Variants in PPP2R2C observed in about 807,000 individuals in gnomAD.
PPP2R2C encodes protein phosphatase 2 regulatory subunit Bgamma.
In PPP2R2C, 10 loss-of-function variants were observed where a neutral mutation model predicts 45.3. That is an observed-to-expected ratio of 0.22 (90% CI 0.14 to 0.37). PPP2R2C has a LOEUF of 0.37. Among genes scored for constraint, PPP2R2C ranks in the 10% least tolerant of loss-of-function variants. The pLI is 1.00. For synonymous variants in PPP2R2C, 257 were observed against 245.4 expected, an observed-to-expected ratio of 1.05 and a Z score of -0.44; for missense variants, 308 against 619.7, an observed-to-expected ratio of 0.50 and a Z score of 5.34.
chr4:6,381,797 G>C, intron 1 of PPP2R2C: 1 of 1,613,842 alleles, frequency 6.2e-7, no homozygotes, highest in Non-Finnish European at 8.5e-7. Context: ...CAATGCCCAG[G>C]GCTGGCCTTC....
At chr4:6,382,665 T>A (rs1452617953) in intron 1 of PPP2R2C, 432 of 177,930 alleles carry the variant, frequency 2.4e-3, no homozygotes, top group Non-Finnish European at 3.6e-3. Context: ...TCTCTCTCTC[T>A]CTCTCTCTCT....
intron 1 of PPP2R2C, among the ~76,000 whole-genome samples, chr4:6,463,906 T>G (rs1165228538): frequency 1.3e-5 from 2 of 152,178 alleles, no homozygotes; most frequent in Non-Finnish European, 2.9e-5. Context: ...CCAAGCCAGG[T>G]AGTCTAGTTC....
chr4:6,466,053 T>G (rs1479136152), intron 1 of PPP2R2C, among the ~76,000 whole-genome samples: 2 of 152,226 alleles, frequency 1.3e-5, no homozygotes, highest in African/African-American at 2.4e-5. Flanking sequence ...TCATGTTTCT[T>G]AGAAGTCACT....
At chr4:6,408,588 C>T (rs553959786) in intron 1 of PPP2R2C, among the ~76,000 whole-genome samples, 44 of 152,230 alleles carry the variant, frequency 2.9e-4, no homozygotes, top group African/African-American at 9.1e-4. Context: ...CCAGAGCAGG[C>T]GAGTGATTTC....
At chr4:6,408,406 T>C (rs1044318963) in intron 1 of PPP2R2C, among the ~76,000 whole-genome samples, 8 of 152,068 alleles carry the variant, frequency 5.3e-5, no homozygotes, top group Non-Finnish European at 7.3e-5. Flanking sequence ...ACTGATTGGA[T>C]CAAGAGGTAG....
intron 1 of PPP2R2C, among the ~76,000 whole-genome samples, chr4:6,428,328 C>T (rs1719442987): frequency 6.6e-6 from 1 of 152,206 alleles, no homozygotes; most frequent in Non-Finnish European, 1.5e-5. Flanking sequence ...AGAGCAACTC[C>T]ATAAGACCTG....
At chr4:6,343,251 A>G (rs1733589538) in intron 6 of PPP2R2C, among the ~76,000 whole-genome samples, 2 of 152,234 alleles carry the variant, frequency 1.3e-5, no homozygotes, top group South Asian at 2.1e-4. Flanking sequence ...ACTCGCCCCA[A>G]TGTGCGGCAA....
In PPP2R2C at chr4:6,438,930, G is replaced by A. The variant is rs141432073; in HGVS notation, c.70+33230C>T. Among the ~76,000 whole-genome samples, 132 of 152,340 alleles carry A rather than the reference G, an allele frequency of 8.7e-4. 1 individual carries two copies. Among genetic ancestry groups the A allele is most frequent in the Middle Eastern group, 3.4e-3 (1 of 294 alleles). On this transcript the variant is annotated intron_variant, in intron 1 of 8. Transcript: ENST00000382599. The stretch of plus-strand genomic sequence containing the variant: ...GTGCGGGCACAGAGCAGGAGACAGA[G>A]CATGATCAGATTGACCCAAGGACCT...
intron 1 of PPP2R2C, among the ~76,000 whole-genome samples, chr4:6,414,771 G>A (rs544956820): frequency 5.3e-4 from 81 of 152,182 alleles, no homozygotes; most frequent in African/African-American, 1.8e-3. Flanking sequence ...GAATCACTAC[G>A]CCATCACTCC....
chr4:6,338,312 C>T (rs1733153850), intron 6 of PPP2R2C, among the ~76,000 whole-genome samples: 1 of 152,220 alleles, frequency 6.6e-6, no homozygotes, highest in African/African-American at 2.4e-5. Context: ...AATTAGGGCT[C>T]TCATGGCTCG....
chr4:6,509,797 G>C (rs1723368048), intron 2 of PPP2R2C, among the ~76,000 whole-genome samples: 1 of 152,148 alleles, frequency 6.6e-6, no homozygotes, highest in Admixed American at 6.6e-5. Flanking sequence ...TCCCTCCTTA[G>C]GTTTCCATGG....
intron 2 of PPP2R2C, among the ~76,000 whole-genome samples, chr4:6,486,242 C>T (rs1722524613): frequency 6.6e-6 from 1 of 152,006 alleles, no homozygotes; most frequent in Non-Finnish European, 1.5e-5. Flanking sequence ...ACAGAACATA[C>T]TTTTTGTGAC....
chr4:6,492,811 C>T (rs532902808), intron 2 of PPP2R2C, among the ~76,000 whole-genome samples: 2 of 152,112 alleles, frequency 1.3e-5, no homozygotes, highest in Non-Finnish European at 2.9e-5. Flanking sequence ...AGGTGCATAC[C>T]GCTCCAAAAG....
At chr4:6,435,922 C>G (rs1719871500) in intron 1 of PPP2R2C, among the ~76,000 whole-genome samples, 1 of 152,130 alleles carries the variant, frequency 6.6e-6, no homozygotes, top group South Asian at 2.1e-4. Context: ...GTGTGTCCCC[C>G]CGAAATTCAT....
Position 6,384,248 on chromosome 4 carries a change from A to T in PPP2R2C, c.71-3154T>A, listed in dbSNP as rs368518487. The T allele has an allele frequency of 1.9e-5, 19 of 985,096 alleles. No homozygotes were observed. In the East Asian group the frequency reaches 1.2e-3, roughly 65 times the overall value. 61.0% of individuals were successfully genotyped at this position (985,096 alleles called of 1,614,324 possible). A position where few individuals can be genotyped will look rare whatever the true frequency, so the allele number is the denominator to read the frequency against. On this transcript the variant is annotated intron_variant, in intron 1 of 8. Transcript: ENST00000382599. The stretch of plus-strand genomic sequence containing the variant: ...CTGGTTCTTGCTATTTCATATTAAA[A>T]CCCCCTGAGGGTGAAGGAACGGGAT...
intron 2 of PPP2R2C, among the ~76,000 whole-genome samples, chr4:6,509,819 G>C (rs1044904398): frequency 6.6e-6 from 1 of 152,158 alleles, no homozygotes; most frequent in Non-Finnish European, 1.5e-5. Flanking sequence ...GATCACAATG[G>C]CACCCACCTT....
rs571982119 is a variant in PPP2R2C, at chr4:6,500,934, A to ACATC, written c.49+34333_49+34336dup. ...GGGCTGCGAAGCCGTCGCACGGCAC[A>ACATC]CATCCACACAGGAGAGGCAGGGAGC... is the stretch of plus-strand genomic sequence containing the variant. On this transcript the variant is annotated intron_variant, in intron 2 of 9. Coordinates refer to the PPP2R2C transcript ENST00000506140. 8.1e-3 allele frequency among the ~76,000 whole-genome samples: 1,235 copies of ACATC among 152,372 alleles called. 13 individuals carry two copies. Among genetic ancestry groups the ACATC allele is most frequent in the Middle Eastern group, 0.031 (9 of 294 alleles).
chr4:6,383,151 C>T (rs577903030), intron 1 of PPP2R2C: 15 of 1,160,388 alleles, frequency 1.3e-5, no homozygotes, highest in Middle Eastern at 3.9e-4. Flanking sequence ...TTGCCATCAA[C>T]GCCTCTGGCG....
intron 2 of PPP2R2C, among the ~76,000 whole-genome samples, chr4:6,508,947 T>A (rs1723333899): frequency 6.6e-6 from 1 of 152,184 alleles, no homozygotes; most frequent in African/African-American, 2.4e-5. Flanking sequence ...CACTTGGCCC[T>A]CTTCCTGCTC....
Sources: gnomAD v4.1 joint callset for allele counts (sites outside exome capture counted in the v4.1 genomes callset) on GRCh38, gnomAD v4.1.1 for gene constraint, MANE v1.5 for transcripts, NCBI Gene and HGNC (gene_info 2026-07-23, HGNC 2026-07-21) for gene names.